CCDC3: variants seen among roughly 807,000 people sequenced by gnomAD.
The protein encoded by CCDC3 is coiled-coil domain containing 3, also known as coiled-coil domain-containing protein 3.
In CCDC3, 24 loss-of-function variants were observed where a neutral mutation model predicts 21.4. The ratio of observed to expected loss-of-function variants is 1.12; its 90% CI spans 0.81 to 1.58. CCDC3 has a LOEUF of 1.58. Among genes scored for constraint, CCDC3 ranks in the 40% most tolerant of loss-of-function variants. The pLI is 0.00. For missense variants in CCDC3, 425 were observed against 360.9 expected, an observed-to-expected ratio of 1.18 and a Z score of -1.44; for synonymous variants, 186 against 166.0, an observed-to-expected ratio of 1.12 and a Z score of -0.93.
chr10:12,962,545 G>A (rs1835195453), intron 2 of CCDC3, among the ~76,000 whole-genome samples: 3 of 152,206 alleles, frequency 2.0e-5, no homozygotes, highest in Admixed American at 2.0e-4. Context: ...GGAGGCTGCA[G>A]TAAGCCAAGA....
At chr10:13,046,660 C>G (rs1231182355) in intron 5 of CCDC3, among the ~76,000 whole-genome samples, 1 of 150,226 alleles carries the variant, frequency 6.7e-6, no homozygotes, top group East Asian at 2.0e-4. Context: ...TAAGCTGAGA[C>G]CGGGCCATTG....
intron 4 of CCDC3, among the ~76,000 whole-genome samples, chr10:13,072,858 CT>C (rs1482745185): frequency 1.3e-4 from 13 of 96,802 alleles, no homozygotes; most frequent in East Asian, 7.5e-4. Context: ...CTTTTCTTTT[CT>C]TTTCTTTCTT....
intron 2 of CCDC3, among the ~76,000 whole-genome samples, chr10:12,918,872 T>G (rs1834400839): frequency 6.6e-6 from 1 of 151,922 alleles, no homozygotes; most frequent in Non-Finnish European, 1.5e-5. Context: ...GCTAACACGG[T>G]GAAACCCCAT....
intron 5 of CCDC3, among the ~76,000 whole-genome samples, chr10:13,023,050 T>G (rs989336458): frequency 6.7e-6 from 1 of 149,276 alleles, no homozygotes; most frequent in Non-Finnish European, 1.5e-5. Flanking sequence ...TGGGGAAAAA[T>G]TAAATAAAAT....
chr10:12,929,123 G>A (rs1057075459), intron 2 of CCDC3, among the ~76,000 whole-genome samples: 24 of 151,930 alleles, frequency 1.6e-4, no homozygotes, highest in African/African-American at 4.1e-4. Flanking sequence ...TTAGCTGGGC[G>A]CGATGGCAGG....
intron 5 of CCDC3, among the ~76,000 whole-genome samples, chr10:13,037,644 C>G (rs886352918): frequency 6.6e-6 from 1 of 152,136 alleles, no homozygotes; most frequent in Non-Finnish European, 1.5e-5. Flanking sequence ...ATCTCTTAAG[C>G]TTTGAACCCC....
At chr10:13,043,486 G>C (rs568039390) in intron 5 of CCDC3, among the ~76,000 whole-genome samples, 4 of 152,222 alleles carry the variant, frequency 2.6e-5, no homozygotes, top group African/African-American at 9.6e-5. Context: ...GCAGCTACTC[G>C]AGAGGCTGAG....
At chr10:13,061,794 G>A (rs550392530) in intron 4 of CCDC3, among the ~76,000 whole-genome samples, 2 of 152,300 alleles carry the variant, frequency 1.3e-5, no homozygotes, top group East Asian at 3.9e-4. Context: ...TGTGGAGACT[G>A]AGGTTCTTTT....
rs1836703755 is a variant in CCDC3, at chr10:13,057,955, C to T, written c.-269-8014G>A. 5 of 613,998 alleles carry T rather than the reference C, an allele frequency of 8.1e-6. No individual in the cohort carries two copies. The South Asian group carries it at 8.8e-5, about 11-fold the overall frequency. 38.0% of individuals were successfully genotyped at this position (613,998 alleles called of 1,614,324 possible). A position where few individuals can be genotyped will look rare whatever the true frequency, so the allele number is the denominator to read the frequency against. On this transcript the variant is annotated intron_variant, in intron 4 of 6. Coordinates refer to the CCDC3 transcript ENST00000378839. Reference sequence around the variant, plus strand: ...TCTCTCATATAGCAGCATGAGCTTTCTTGTGTATCTCCTCCATCATGTCTG... The same window carrying T: ...TCTCTCATATAGCAGCATGAGCTTTTTTGTGTATCTCCTCCATCATGTCTG...
At chr10:13,077,410 A>G (rs1465933198) in intron 3 of CCDC3, among the ~76,000 whole-genome samples, 5 of 152,260 alleles carry the variant, frequency 3.3e-5, no homozygotes, top group Admixed American at 2.0e-4. Flanking sequence ...GGAAGAATCA[A>G]TATCGTGAAA....
At chr10:12,910,164 C>G (rs1454491627) in intron 2 of CCDC3, among the ~76,000 whole-genome samples, 1 of 152,162 alleles carries the variant, frequency 6.6e-6, no homozygotes, top group Admixed American at 6.5e-5. Flanking sequence ...GCTACTGAAC[C>G]AAGACAGGTG....
chr10:13,055,920 C>T (rs1836675579), intron 4 of CCDC3, among the ~76,000 whole-genome samples: 1 of 152,140 alleles, frequency 6.6e-6, no homozygotes, highest in Non-Finnish European at 1.5e-5. Flanking sequence ...GTCTTTACAA[C>T]CCCTTTTGAC....
At chr10:12,961,299 G>A (rs1835175470) in intron 2 of CCDC3, among the ~76,000 whole-genome samples, 1 of 152,184 alleles carries the variant, frequency 6.6e-6, no homozygotes, top group Non-Finnish European at 1.5e-5. Flanking sequence ...CCAAGAGCCT[G>A]CCAAGTGGCC....
chr10:13,085,828 G>T (rs543263688), intron 3 of CCDC3, among the ~76,000 whole-genome samples: 1 of 152,234 alleles, frequency 6.6e-6, no homozygotes, highest in East Asian at 1.9e-4. Flanking sequence ...TTAGCTAGGT[G>T]TGGTGGTAGA....
chr10:12,996,654 C>T (rs746135280), intron 2 of CCDC3, among the ~76,000 whole-genome samples: 8 of 152,134 alleles, frequency 5.3e-5, no homozygotes, highest in Non-Finnish European at 1.2e-4. Context: ...CTTAGTTGGA[C>T]GTACCAGCCC....
intron 2 of CCDC3, chr10:13,098,719 T>A (rs1832667548): frequency 7.9e-6 from 1 of 126,616 alleles, no homozygotes; most frequent in Non-Finnish European, 1.6e-5. Flanking sequence ...GATTTTTTTT[T>A]TTTTTTTTTT....
chr10:12,967,912 T>C (rs924300570), intron 2 of CCDC3, among the ~76,000 whole-genome samples: 1 of 152,166 alleles, frequency 6.6e-6, no homozygotes, highest in African/African-American at 2.4e-5. Flanking sequence ...GGCTCATGCC[T>C]ATAATCCCAG....
At chr10:12,909,056 A>G (rs12220635) in intron 2 of CCDC3, among the ~76,000 whole-genome samples, 25,766 of 152,162 alleles carry the variant, frequency 0.17, 3,130 homozygotes, top group African/African-American at 0.33. Context: ...TCTTCCTGGT[A>G]TCCTTGGACA....
In CCDC3 at chr10:12,898,400, G is replaced by A. The variant is rs1346430494; in HGVS notation, c.*16C>T. On this transcript the variant is annotated 3_prime_UTR_variant, in exon 3 of 3. Transcript: ENST00000378825. The stretch of plus-strand genomic sequence containing the variant: ...CGTCAGGATTGGCCCTGCACACCTG[G>A]CAGCCCCCAGGCCCGTTACCCCCGC... The A allele has an allele frequency of 6.3e-7, 1 of 1,574,984 alleles. No individual in the cohort carries two copies. Among genetic ancestry groups the A allele is most frequent in the African/African-American group, 1.4e-5 (1 of 73,294 alleles).
Sources: allele counts gnomAD v4.1 joint callset (sites outside exome capture counted in the v4.1 genomes callset), GRCh38; gene constraint gnomAD v4.1.1; transcripts MANE v1.5; gene names NCBI Gene and HGNC (gene_info 2026-07-23, HGNC 2026-07-21).